Variants in PREX1 observed in about 807,000 individuals in gnomAD.
PREX1 encodes phosphatidylinositol-3,4,5-trisphosphate dependent Rac exchange factor 1.
In PREX1, 41 loss-of-function variants were observed where a neutral mutation model predicts 198.3. That is an observed-to-expected ratio of 0.21 (90% CI 0.16 to 0.27). The LOEUF (loss-of-function observed/expected upper bound fraction) is 0.27. Among genes scored for constraint, PREX1 ranks in the 10% least tolerant of loss-of-function variants. PREX1 has a pLI of 1.00. For synonymous variants in PREX1, 843 were observed against 887.2 expected (o/e 0.95, Z 0.89); for missense variants, 1,620 against 2,200.7 (o/e 0.74, Z 5.28).
At chr20:48,881,274 T>C in the PREX1 span, among the ~76,000 whole-genome samples, 3 of 152,096 alleles carry the variant, frequency 2.0e-5, no homozygotes, top group African/African-American at 7.2e-5. Flanking sequence ...CATTTAACAT[T>C]TTTCCATAAT....
intron 1 of PREX1, among the ~76,000 whole-genome samples, chr20:48,805,652 T>C (rs912579424): frequency 1.3e-5 from 2 of 152,204 alleles, no homozygotes; most frequent in Non-Finnish European, 2.9e-5. Context: ...CCCTTCTTCC[T>C]GGACTTACAG....
In PREX1 at chr20:48,627,982, G is replaced by A; in HGVS notation, c.4767-19C>T. The A allele has an allele frequency of 6.5e-7, 1 of 1,539,630 alleles. No individual in the cohort carries two copies. On this transcript the variant is annotated intron_variant, in intron 37 of 39. Transcript: ENST00000371941. ...GGTGCTCCTGCAGCAGGGGAGGGAGGACAGCGGGTTGGCGGTGGGGGGACA... is the reference window on the plus strand; with the variant it reads ...GGTGCTCCTGCAGCAGGGGAGGGAGAACAGCGGGTTGGCGGTGGGGGGACA...
rs1388351404 is a variant in PREX1 at position 48,657,113 on chromosome 20, C to T, written c.2050G>A (p.Val684Met). The change falls in exon 18 of 40, where the codon GTG becomes ATG. Residue 684 changes from valine (V) to methionine (M), a missense_variant. Coordinates refer to ENST00000371941, the MANE Select transcript of PREX1 (RefSeq NM_020820.4). ...DLVFLRPFSE[V>M]ESILNQSFCS... ...AAGGACTGGTTGAGGATGGACTCCA[C>T]CTCTGAAAACGGCCGCAGGAACACC... 2.2e-5 allele frequency: 36 copies of T among 1,611,932 alleles called. No homozygotes were observed. Among genetic ancestry groups the T allele is most frequent in the Non-Finnish European group, 3.0e-5 (35 of 1,179,114 alleles).
rs989647322 is a variant in PREX1, at chr20:48,657,081, G to A, written c.2082C>T (p.Ser694=). Residue 694 remains serine, a synonymous_variant, in exon 18 of 40, where the codon TCC becomes TCT. Transcript: ENST00000371941. ...VESILNQSFC[S]RRPLRLLVAT... is the part of the protein sequence containing the mutation. Reference sequence around the variant, plus strand: ...CCACCAGGAGGCGCAGAGGGCGGCGGGAGCAGAAGGACTGGTTGAGGATGG... The same window carrying A: ...CCACCAGGAGGCGCAGAGGGCGGCGAGAGCAGAAGGACTGGTTGAGGATGG... The A allele has an allele frequency of 2.0e-5, 32 of 1,607,810 alleles. No homozygotes were observed. The highest frequency in any genetic ancestry group is 2.5e-5 in the Non-Finnish European group (30 of 1,176,840).
intron 1 of PREX1, among the ~76,000 whole-genome samples, chr20:48,774,398 C>T (rs148844079): frequency 8.2e-4 from 125 of 152,308 alleles, no homozygotes; most frequent in African/African-American, 2.9e-3. Flanking sequence ...CTCATCACTT[C>T]ACCTCCCACT....
intron 5 of PREX1, among the ~76,000 whole-genome samples, chr20:48,725,907 T>G (rs952733187): frequency 6.6e-6 from 1 of 152,194 alleles, no homozygotes. Context: ...AAAGGCTTCA[T>G]GTAATTTGTC....
At chr20:48,764,797 AGAAAG>A (rs141091123) in intron 1 of PREX1, among the ~76,000 whole-genome samples, 4 of 139,794 alleles carry the variant, frequency 2.9e-5, no homozygotes, top group Non-Finnish European at 4.7e-5. Context: ...AAAAAAAAAA[AGAAAG>A]AAAGAAAGAA....
chr20:48,740,840 T>C (rs1354727971), intron 3 of PREX1, among the ~76,000 whole-genome samples: 5 of 152,280 alleles, frequency 3.3e-5, no homozygotes, highest in Admixed American at 2.6e-4. Context: ...AGCCTCAGGC[T>C]GAAAGGCTCA....
At chr20:48,633,403 A>T (rs1164051827) in intron 33 of PREX1, among the ~76,000 whole-genome samples, 12 of 152,242 alleles carry the variant, frequency 7.9e-5, no homozygotes, top group Admixed American at 5.2e-4. Context: ...CCGTAGTAGT[A>T]TAATTTCATG....
Position 48,827,646 on chromosome 20 carries a change from T to C in PREX1, c.215A>G (p.Gln72Arg). 7.6e-7 allele frequency: 1 copy of C among 1,312,154 alleles called. No homozygotes were observed. The highest frequency in any genetic ancestry group is 9.8e-7 in the Non-Finnish European group (1 of 1,018,366). The allele number at this position is 1,312,154 out of a possible 1,614,324, so 81.3% of individuals were successfully genotyped here. Residue 72 changes from glutamine (Q) to arginine (R), a missense_variant, in exon 1 of 40, where the codon CAG becomes CGG. Coordinates refer to ENST00000371941, the MANE Select transcript of PREX1 (RefSeq NM_020820.4). This position sits in a 1 kb window ranked among gnomAD's most constrained non-coding sequence, Gnocchi z 4.1. ...AAGCTCCCGAGCGACACTCACCGACTGCAAGAAGCGCAAGGTGCCCACGTA... is the reference window on the plus strand; with the variant it reads ...AAGCTCCCGAGCGACACTCACCGACCGCAAGAAGCGCAAGGTGCCCACGTA... ...RDYVGTLRFL[Q>R]SAFLHRIRQN...
At chr20:48,681,457 A>G (rs2089749919) in intron 10 of PREX1, 122 bp from the exon 11 acceptor site, 7 of 886,058 alleles carry the variant, frequency 7.9e-6, no homozygotes, top group Non-Finnish European at 1.3e-5. Flanking sequence ...CCCACAGGGA[A>G]GCCGAGTGTA....
At chr20:48,785,442 C>A (rs1244625672) in intron 1 of PREX1, among the ~76,000 whole-genome samples, 2 of 152,256 alleles carry the variant, frequency 1.3e-5, no homozygotes, top group Non-Finnish European at 2.9e-5. Flanking sequence ...ACCTCCACTG[C>A]CATCCATTCT....
chr20:48,842,963 C>T, the PREX1 span, among the ~76,000 whole-genome samples: 1 of 152,134 alleles, frequency 6.6e-6, no homozygotes, highest in Non-Finnish European at 1.5e-5. Flanking sequence ...GGGGCTAGCA[C>T]AGAGCCTGGC....
In PREX1 at chr20:48,827,867, G is replaced by C; in HGVS notation, c.-7C>G. 1 of 979,912 alleles carries C rather than the reference G, an allele frequency of 1.0e-6. No homozygotes were observed. The highest frequency in any genetic ancestry group is 6.3e-5 in the Admixed American group (1 of 15,868). The allele number at this position is 979,912 out of a possible 1,614,324, so 60.7% of individuals were successfully genotyped here. ...TGCCGCTGGGCGCCTCCATTCTAGC[G>C]CGGCCGCGCGGCGCCGGCTCCTTCC... On this transcript the variant is annotated 5_prime_UTR_variant, in exon 1 of 40. Coordinates refer to ENST00000371941, the MANE Select transcript of PREX1 (RefSeq NM_020820.4). The surrounding 1 kb of genome is among the most constrained non-coding windows in gnomAD (Gnocchi z 4.1).
chr20:48,763,374 C>T (rs189335213), intron 1 of PREX1, among the ~76,000 whole-genome samples: 20 of 152,300 alleles, frequency 1.3e-4, no homozygotes, highest in African/African-American at 4.6e-4. Flanking sequence ...TGGCATTTCC[C>T]GCCGGAATGT....
chr20:48,789,888 G>A (rs1194519848), intron 1 of PREX1, among the ~76,000 whole-genome samples: 1 of 152,102 alleles, frequency 6.6e-6, no homozygotes, highest in East Asian at 1.9e-4. Flanking sequence ...GAGATGGATG[G>A]GTGATGGATA....
chr20:48,717,764 T>C (rs1568837492), intron 5 of PREX1, among the ~76,000 whole-genome samples: 1 of 152,188 alleles, frequency 6.6e-6, no homozygotes. Flanking sequence ...AACTCCTTTC[T>C]TCTACTCAGA....
intron 14 of PREX1, among the ~76,000 whole-genome samples, chr20:48,673,017 C>T (rs1333308093): frequency 7.0e-6 from 1 of 142,910 alleles, no homozygotes; most frequent in Non-Finnish European, 1.5e-5. Context: ...ACGGCAGGTG[C>T]TCAAAAATAA....
chr20:48,694,514 A>C lies in PREX1; in HGVS notation c.918-1724T>G, dbSNP rs142866532. Among the ~76,000 whole-genome samples the C allele has an allele frequency of 4.5e-4, 69 of 152,342 alleles. 1 individual carries two copies. Among genetic ancestry groups the C allele is most frequent in the African/African-American group, 1.6e-3 (68 of 41,586 alleles). On this transcript the variant is annotated intron_variant, in intron 7 of 39. Coordinates refer to ENST00000371941, the MANE Select transcript of PREX1 (RefSeq NM_020820.4). ...AGTCCCTAAGCAAGGTAAACCATAC[A>C]TCAGGTCAGAGGTACTAAACGCTCT...
Sources: gnomAD v4.1 joint callset for allele counts (sites outside exome capture counted in the v4.1 genomes callset) on GRCh38, gnomAD v4.1.1 for gene constraint, Gnocchi (gnomAD v3.1) non-coding constraint, MANE v1.5 for transcripts, NCBI Gene and HGNC (gene_info 2026-07-23, HGNC 2026-07-21) for gene names.